The following WNK2 variants were observed in gnomAD, a reference collection of about 807,000 sequenced individuals.
The protein encoded by WNK2 is WNK lysine deficient protein kinase 2, also known as serine/threonine-protein kinase WNK2.
In WNK2, 67 loss-of-function variants were observed where a neutral mutation model predicts 192.1. That is an observed-to-expected ratio of 0.35 (90% CI 0.29 to 0.43). WNK2 has a LOEUF of 0.43. Ranked by LOEUF, WNK2 falls within the 20% of genes least tolerant of loss-of-function variation. The pLI is 1.00. For synonymous variants in WNK2, 1,439 were observed against 1,393.9 expected, an observed-to-expected ratio of 1.03 and a Z score of -0.72; for missense variants, 2,698 against 3,089.7, an observed-to-expected ratio of 0.87 and a Z score of 3.01.
At chr9:93,228,638 G>A (rs2131980730) in intron 2 of WNK2, among the ~76,000 whole-genome samples, 1 of 152,342 alleles carries the variant, frequency 6.6e-6, no homozygotes, top group Admixed American at 6.5e-5. Context: ...TGAGAAGGGC[G>A]TGGCACGTGT....
Position 93,239,666 on chromosome 9 carries a change from C to G in WNK2, c.1323-91C>G. On this transcript the variant is annotated intron_variant, in intron 6 of 29. Transcript: ENST00000427277. This position sits in a 1 kb window ranked among gnomAD's most constrained non-coding sequence, Gnocchi z 4.2. ...CTGGCCTCAGGCTCCTGCAGGTGTGCCTGTCCTTGTCCTGGTGCGCATGGA... is the reference window on the plus strand; with the variant it reads ...CTGGCCTCAGGCTCCTGCAGGTGTGGCTGTCCTTGTCCTGGTGCGCATGGA... The G allele has an allele frequency of 8.5e-7, 1 of 1,176,404 alleles. No homozygotes were observed. The allele number at this position is 1,176,404 out of a possible 1,614,324, so 72.9% of individuals were successfully genotyped here.
chr9:93,274,136 A>G (rs1284427517), intron 19 of WNK2, among the ~76,000 whole-genome samples: 1 of 152,256 alleles, frequency 6.6e-6, no homozygotes, highest in Non-Finnish European at 1.5e-5. Flanking sequence ...ATCACAGGCA[A>G]AAACCAATGA....
At chr9:93,255,154 G>A (rs959611048) in intron 9 of WNK2, among the ~76,000 whole-genome samples, 5 of 152,208 alleles carry the variant, frequency 3.3e-5, no homozygotes, top group Non-Finnish European at 5.9e-5. Context: ...ACTCAAAAAG[G>A]ATGAGGCCTG....
At position 93,278,909 on chromosome 9, in the gene WNK2, G is replaced by C. The variant is rs568683644; in HGVS notation, c.4034-9879G>C. Among the ~76,000 whole-genome samples the C allele has an allele frequency of 2.6e-5, 4 of 152,284 alleles. No individual in the cohort carries two copies. The East Asian group carries it at 7.7e-4, about 29-fold the overall frequency. On this transcript the variant is annotated intron_variant, in intron 19 of 29. Coordinates refer to ENST00000427277, the MANE Select transcript of WNK2 (RefSeq NM_006648.4). ...TCATATGGTTGTCTCAATAAATGTA[G>C]AAAAAGCGGTTGACAAAACCCAACA...
intron 19 of WNK2, among the ~76,000 whole-genome samples, chr9:93,286,870 C>T (rs1341583162): frequency 6.6e-6 from 1 of 152,176 alleles, no homozygotes; most frequent in African/African-American, 2.4e-5. Flanking sequence ...ATGGATGAAC[C>T]TACAGGACAT....
At chr9:93,241,428 G>A (rs1470253343) in intron 7 of WNK2, among the ~76,000 whole-genome samples, 1 of 152,176 alleles carries the variant, frequency 6.6e-6, no homozygotes, top group African/African-American at 2.4e-5. Context: ...AGAGGTGCTC[G>A]CTGTTTTTTC....
intron 14 of WNK2, 39 bp from the exon 15 acceptor site, chr9:93,263,527 T>C (rs1310826009): frequency 6.2e-7 from 1 of 1,605,312 alleles, no homozygotes; most frequent in Non-Finnish European, 8.5e-7. Flanking sequence ...ACGTGCTGGT[T>C]GTCCTTTGGT....
At chr9:93,223,522 T>C (rs1837293021) in intron 2 of WNK2, among the ~76,000 whole-genome samples, 1 of 152,224 alleles carries the variant, frequency 6.6e-6, no homozygotes, top group Admixed American at 6.5e-5. Flanking sequence ...TGCGTTCCCA[T>C]GGGGTTGTGA....
chr9:93,265,690 G>A (rs1452188842), intron 16 of WNK2, among the ~76,000 whole-genome samples: 3 of 152,236 alleles, frequency 2.0e-5, no homozygotes, highest in Admixed American at 6.5e-5. Flanking sequence ...GTGAACACCC[G>A]TGAAGTTATC....
chr9:93,239,912 A>G lies in WNK2; in HGVS notation c.1478A>G (p.Asn493Ser), dbSNP rs530110027. ...PKKLKGKPKD[N>S]GAIEFTFDLE... ...AAACTGAAGGGAAAGCCCAAGGACAATGGAGCCATAGAGTTCACCTTCGAC... is the reference window on the plus strand; with the variant it reads ...AAACTGAAGGGAAAGCCCAAGGACAGTGGAGCCATAGAGTTCACCTTCGAC... The change falls in exon 7 of 30, where the codon AAT becomes AGT. Residue 493 changes from asparagine (N) to serine (S), a missense_variant. Physicochemically the swap from Asn to Ser is conservative, Grantham distance 46 (BLOSUM62 1). Coordinates refer to ENST00000427277, the MANE Select transcript of WNK2 (RefSeq NM_006648.4). This position sits in a 1 kb window ranked among gnomAD's most constrained non-coding sequence, Gnocchi z 4.2. 219 of 1,612,152 alleles carry G rather than the reference A, an allele frequency of 1.4e-4. No individual in the cohort carries two copies. The highest frequency in any genetic ancestry group is 8.0e-4 in the East Asian group (36 of 44,834).
intron 19 of WNK2, among the ~76,000 whole-genome samples, chr9:93,274,897 G>A (rs775528019): frequency 3.3e-5 from 5 of 152,112 alleles, no homozygotes; most frequent in Non-Finnish European, 5.9e-5. Flanking sequence ...AGAAAATAGA[G>A]GAGGAAAGAA....
intron 26 of WNK2, among the ~76,000 whole-genome samples, chr9:93,306,247 A>G (rs967862668): frequency 6.6e-6 from 1 of 152,172 alleles, no homozygotes; most frequent in African/African-American, 2.4e-5. Flanking sequence ...CGCTGACCTC[A>G]TCTGAGGCAG....
chr9:93,270,751 C>T (rs2133297865), intron 19 of WNK2, among the ~76,000 whole-genome samples: 1 of 152,160 alleles, frequency 6.6e-6, no homozygotes, highest in East Asian at 1.9e-4. Flanking sequence ...CACCAGCACG[C>T]CGACAGTTCT....
intron 2 of WNK2, among the ~76,000 whole-genome samples, chr9:93,205,496 A>T (rs1275423275): frequency 1.3e-5 from 2 of 151,962 alleles, no homozygotes. Flanking sequence ...CATCTCCCCC[A>T]TCCTGCTGGT....
At chr9:93,227,304 G>A (rs1047810871) in intron 2 of WNK2, among the ~76,000 whole-genome samples, 6 of 151,854 alleles carry the variant, frequency 4.0e-5, no homozygotes, top group East Asian at 1.9e-4. Context: ...TAGTAGAGAC[G>A]GGGTTTCACC....
At chr9:93,186,456 G>A (rs1325105682) in intron 2 of WNK2, among the ~76,000 whole-genome samples, 1 of 152,198 alleles carries the variant, frequency 6.6e-6, no homozygotes, top group African/African-American at 2.4e-5. Context: ...CTGTCCAGGG[G>A]GTGTTTACAG....
At chr9:93,220,733 C>T (rs919305058) in intron 2 of WNK2, among the ~76,000 whole-genome samples, 7 of 152,134 alleles carry the variant, frequency 4.6e-5, no homozygotes, top group Non-Finnish European at 7.4e-5. Flanking sequence ...CTTCAGGTCC[C>T]GGGAGAGGCT....
intron 19 of WNK2, among the ~76,000 whole-genome samples, chr9:93,287,994 C>CG (rs1265885015): frequency 6.6e-6 from 1 of 152,022 alleles, no homozygotes; most frequent in Non-Finnish European, 1.5e-5. Context: ...TGCAGTGAGG[C>CG]GAGATTGCAC....
At chr9:93,190,543 G>A (rs930051713) in intron 2 of WNK2, among the ~76,000 whole-genome samples, 1 of 152,248 alleles carries the variant, frequency 6.6e-6, no homozygotes, top group Non-Finnish European at 1.5e-5. Flanking sequence ...ATTTGCCATT[G>A]CAAATGATTT....
Sources: gnomAD v4.1 joint callset for allele counts (sites outside exome capture counted in the v4.1 genomes callset) on GRCh38, gnomAD v4.1.1 for gene constraint, Gnocchi (gnomAD v3.1) non-coding constraint, MANE v1.5 for transcripts, NCBI Gene and HGNC (gene_info 2026-07-23, HGNC 2026-07-21) for gene names.